CDC73: variants seen among roughly 807,000 people sequenced by gnomAD.
CDC73 encodes parafibromin.
Under a neutral mutation model 83.7 loss-of-function variants are expected in CDC73, and 21 were observed. The observed-to-expected ratio is 0.25, with a 90% confidence interval of 0.18 to 0.36. The LOEUF (loss-of-function observed/expected upper bound fraction) is 0.36. Among genes scored for constraint, CDC73 ranks in the 10% least tolerant of loss-of-function variants. The pLI is 1.00. For synonymous variants in CDC73, 224 were observed against 212.9 expected (o/e 1.05, Z -0.45); for missense variants, 342 against 653.3 (o/e 0.52, Z 5.19).
chr1:193,181,545 TCTC>T (rs1676717083), intron 10 of CDC73: 8 of 1,593,960 alleles, frequency 5.0e-6, no homozygotes, highest in East Asian at 4.5e-5. Context: ...AGCAGTGTCT[TCTC>T]CTCCACTGAA....
chr1:193,146,239 GTGAT>G (rs1675998672), intron 7 of CDC73, among the ~76,000 whole-genome samples: 1 of 152,162 alleles, frequency 6.6e-6, no homozygotes, highest in South Asian at 2.1e-4. Flanking sequence ...CAAATGTTAA[GTGAT>G]TGATAGGCAG....
intron 12 of CDC73, 85 bp from the exon 13 acceptor site, chr1:193,212,305 A>G: frequency 1.0e-6 from 1 of 961,626 alleles, no homozygotes; most frequent in Non-Finnish European, 1.6e-6. Flanking sequence ...TTAAAGTTAC[A>G]ATTTATAATC....
intron 10 of CDC73, 149 bp downstream of exon 10, chr1:193,152,593 A>G: frequency 1.6e-6 from 1 of 626,648 alleles, no homozygotes; most frequent in Non-Finnish European, 2.9e-6. Flanking sequence ...GTGGTGTATT[A>G]TTTGATTCAT....
intron 11 of CDC73, among the ~76,000 whole-genome samples, chr1:193,210,464 A>G (rs1450870994): frequency 6.6e-6 from 1 of 152,222 alleles, no homozygotes; most frequent in Non-Finnish European, 1.5e-5. Flanking sequence ...GAGTTATTGT[A>G]TGGTCAAATA....
Position 193,249,763 on chromosome 1 carries a change from G to A in CDC73, c.1451G>A (p.Arg484His), listed in dbSNP as rs774557338. The A allele has an allele frequency of 6.2e-6, 10 of 1,609,540 alleles. No individual in the cohort carries two copies. Among genetic ancestry groups the A allele is most frequent in the East Asian group, 4.5e-5 (2 of 44,778 alleles). The change falls in exon 16 of 17, where the codon CGT becomes CAT. Residue 484 changes from arginine (R) to histidine (H), a missense_variant. Physicochemically the swap from Arg to His is conservative, Grantham distance 29. Transcript: ENST00000367435. The stretch of plus-strand genomic sequence containing the variant: ...TTCCATCTGAAGTATGATGAAGTTC[G>A]TCTGGATCCAAATGTTCAGAAATGG... ...KAFHLKYDEV[R>H]LDPNVQKWDV...
chr1:193,176,487 G>A lies in CDC73; in HGVS notation c.972+24043G>A, dbSNP rs567728410. ...CAGACAGAGGACATTGTCTTACAGA[G>A]CATTAAAGAATCATCATAGGAGCAG... On this transcript the variant is annotated intron_variant, in intron 10 of 16. Transcript: ENST00000367435. 3.3e-5 allele frequency among the ~76,000 whole-genome samples: 5 copies of A among 152,256 alleles called. No homozygotes were observed. The South Asian group carries it at 1.0e-3, about 32-fold the overall frequency.
chr1:193,204,287 AT>A (rs1181776959), intron 11 of CDC73, among the ~76,000 whole-genome samples: 34 of 133,974 alleles, frequency 2.5e-4, no homozygotes, highest in African/African-American at 6.1e-4. Flanking sequence ...GTATATATAT[AT>A]TTTTTTTTTT....
At chr1:193,198,243 G>C (rs1300346111) in intron 10 of CDC73, among the ~76,000 whole-genome samples, 1 of 152,124 alleles carries the variant, frequency 6.6e-6, no homozygotes, top group African/African-American at 2.4e-5. Flanking sequence ...AGTATAATGA[G>C]GTGTTATGGT....
chr1:193,202,549 A>G (rs768586534), intron 10 of CDC73, among the ~76,000 whole-genome samples: 34 of 151,372 alleles, frequency 2.2e-4, no homozygotes, highest in Non-Finnish European at 4.4e-4. Flanking sequence ...ACCAATATAT[A>G]TTAATAACTA....
At chr1:193,188,955 G>GTTT (rs552692219) in intron 10 of CDC73, among the ~76,000 whole-genome samples, 7 of 137,534 alleles carry the variant, frequency 5.1e-5, no homozygotes, top group African/African-American at 8.0e-5. Context: ...CTGTCTGTCT[G>GTTT]TTTTTTTTTT....
At chr1:193,218,005 C>G (rs1345244063) in intron 13 of CDC73, among the ~76,000 whole-genome samples, 7 of 152,164 alleles carry the variant, frequency 4.6e-5, no homozygotes, top group Admixed American at 4.6e-4. Context: ...TAGAAAACCC[C>G]ATAGTCTCTA....
At chr1:193,226,942 G>A (rs372950529) in intron 13 of CDC73, among the ~76,000 whole-genome samples, 67 of 152,174 alleles carry the variant, frequency 4.4e-4, no homozygotes, top group African/African-American at 1.5e-3. Context: ...AATCCTTCTG[G>A]TTCTGAACTT....
intron 3 of CDC73, among the ~76,000 whole-genome samples, chr1:193,133,650 G>C (rs988010460): frequency 3.2e-4 from 48 of 152,138 alleles, no homozygotes; most frequent in Non-Finnish European, 3.2e-4. Context: ...TCAGTTACAA[G>C]CTGATAAAAG....
chr1:193,234,835 T>C (rs1324641380), intron 14 of CDC73, among the ~76,000 whole-genome samples: 1 of 152,178 alleles, frequency 6.6e-6, no homozygotes, highest in Non-Finnish European at 1.5e-5. Flanking sequence ...TTTGACAGTT[T>C]GAGGCATGTA....
intron 10 of CDC73, among the ~76,000 whole-genome samples, chr1:193,155,611 A>T (rs539475858): frequency 6.6e-6 from 1 of 152,228 alleles, no homozygotes; most frequent in South Asian, 2.1e-4. Flanking sequence ...AACCCCATCT[A>T]CTAAAAATAC....
chr1:193,163,506 G>C (rs187592702), intron 10 of CDC73, among the ~76,000 whole-genome samples: 2,479 of 151,474 alleles, frequency 0.016, 28 homozygotes, highest in Non-Finnish European at 0.026. Context: ...GACCCTGCCC[G>C]CCCCCCAAAA....
intron 10 of CDC73, among the ~76,000 whole-genome samples, chr1:193,202,548 T>C (rs181177991): frequency 1.7e-3 from 264 of 150,982 alleles, no homozygotes; most frequent in African/African-American, 6.1e-3. Flanking sequence ...CACCAATATA[T>C]ATTAATAACT....
intron 10 of CDC73, among the ~76,000 whole-genome samples, chr1:193,182,414 AGT>A (rs1455741171): frequency 6.6e-6 from 1 of 152,130 alleles, no homozygotes; most frequent in African/African-American, 2.4e-5. Context: ...ACAGCATGTA[AGT>A]GTCTTTGATT....
intron 10 of CDC73, among the ~76,000 whole-genome samples, chr1:193,175,532 C>A (rs752821875): frequency 6.6e-6 from 1 of 152,054 alleles, no homozygotes; most frequent in East Asian, 1.9e-4. Flanking sequence ...AACTGCCGAT[C>A]GAAAATATTA....
Sources: allele counts gnomAD v4.1 joint callset (sites outside exome capture counted in the v4.1 genomes callset), GRCh38; gene constraint gnomAD v4.1.1; transcripts MANE v1.5; gene names NCBI Gene and HGNC (gene_info 2026-07-23, HGNC 2026-07-21).